Variants in PRKN observed in about 807,000 individuals in gnomAD.
PRKN encodes parkin RBR E3 ubiquitin protein ligase, also known as E3 ubiquitin-protein ligase parkin.
In PRKN, 56 loss-of-function variants were observed where a neutral mutation model predicts 59.5. The observed-to-expected ratio is 0.94, with a 90% CI of 0.76 to 1.18. PRKN has a LOEUF of 1.18. Among genes scored for constraint, PRKN ranks in the 50% most tolerant of loss-of-function variants. The probability of loss-of-function intolerance (pLI) is 0.00; values close to 1 mark genes in which losing one functional copy is unlikely to be tolerated. For synonymous variants in PRKN, 250 were observed against 222.1 expected, an observed-to-expected ratio of 1.13 and a Z score of -1.12; for missense variants, 657 against 596.4, an observed-to-expected ratio of 1.10 and a Z score of -1.06.
chr6:162,540,800 T>C (rs1365204847), intron 1 of PRKN, among the ~76,000 whole-genome samples: 2 of 117,552 alleles, frequency 1.7e-5, no homozygotes, highest in African/African-American at 6.3e-5. Context: ...AGAGTGAAAC[T>C]CTGGCTCAAA....
At chr6:161,841,198 G>C (rs914855794) in intron 6 of PRKN, among the ~76,000 whole-genome samples, 2 of 152,104 alleles carry the variant, frequency 1.3e-5, no homozygotes, top group African/African-American at 4.8e-5. Flanking sequence ...AAAAGAGAAG[G>C]CTCCATGAAA....
At chr6:162,118,137 C>T (rs945968951) in intron 4 of PRKN, among the ~76,000 whole-genome samples, 7 of 149,868 alleles carry the variant, frequency 4.7e-5, no homozygotes, top group African/African-American at 1.2e-4. Context: ...TTGGGCCGGG[C>T]GCAGTGGCTC....
chr6:162,178,966 G>A (rs1167393000), intron 4 of PRKN, among the ~76,000 whole-genome samples: 1 of 152,104 alleles, frequency 6.6e-6, no homozygotes, highest in African/African-American at 2.4e-5. Flanking sequence ...CAAACTCCTG[G>A]CCTCGAGCGA....
chr6:162,436,948 C>A (rs995032025), intron 2 of PRKN, among the ~76,000 whole-genome samples: 4 of 151,910 alleles, frequency 2.6e-5, no homozygotes, highest in Non-Finnish European at 5.9e-5. Context: ...AAAAATGAGC[C>A]AGGCGTGGTA....
At chr6:162,141,460 G>C (rs754113154) in intron 4 of PRKN, among the ~76,000 whole-genome samples, 6 of 152,174 alleles carry the variant, frequency 3.9e-5, no homozygotes, top group Non-Finnish European at 7.3e-5. Flanking sequence ...AATGTATTCA[G>C]AGACATTCTA....
intron 1 of PRKN, among the ~76,000 whole-genome samples, chr6:162,687,249 G>A (rs1424480818): frequency 6.8e-5 from 10 of 147,602 alleles, no homozygotes; most frequent in Non-Finnish European, 8.9e-5. Context: ...GCAGAGGCAC[G>A]ATCTCAGCTC....
chr6:162,149,469 C>A (rs1782170927), intron 4 of PRKN, among the ~76,000 whole-genome samples: 1 of 152,088 alleles, frequency 6.6e-6, no homozygotes, highest in Admixed American at 6.6e-5. Context: ...GTCTCAAATT[C>A]CTGACCTCAA....
At chr6:162,528,198 T>G (rs1778369178) in intron 1 of PRKN, among the ~76,000 whole-genome samples, 1 of 151,814 alleles carries the variant, frequency 6.6e-6, no homozygotes, top group Non-Finnish European at 1.5e-5. Flanking sequence ...GGTGGGTGCC[T>G]GTAATCCCAG....
At chr6:162,214,998 T>G (rs1026076421) in intron 3 of PRKN, among the ~76,000 whole-genome samples, 2 of 152,150 alleles carry the variant, frequency 1.3e-5, no homozygotes, top group African/African-American at 4.8e-5. Context: ...TAACAGCATC[T>G]AGGAATCCTT....
At chr6:162,168,556 C>CAAAAAAAAAAAAAAA (rs771060815) in intron 4 of PRKN, among the ~76,000 whole-genome samples, 1 of 47,316 alleles carries the variant, frequency 2.1e-5, no homozygotes, top group Non-Finnish European at 3.9e-5. Flanking sequence ...ATCTGTTTTA[C>CAAAAAAAAAAAAAAA]AAAAAAAAAA....
intron 5 of PRKN, among the ~76,000 whole-genome samples, chr6:162,041,672 T>G (rs1015970799): frequency 1.3e-5 from 2 of 152,172 alleles, no homozygotes; most frequent in Non-Finnish European, 2.9e-5. Context: ...TGCGGTGAAA[T>G]CAGACTAACC....
In PRKN at chr6:161,948,990, A is replaced by C. The variant is rs188053427; in HGVS notation, c.734+24312T>G. Among the ~76,000 whole-genome samples the C allele has an allele frequency of 2.0e-4, 30 of 152,318 alleles. No individual in the cohort carries two copies. The East Asian group carries it at 5.8e-3, about 29-fold the overall frequency. The stretch of plus-strand genomic sequence containing the variant: ...AGCTCTCTGATTTCTACGGGGAGGC[A>C]GAGAGGCTGGAGGGAAGTGGACCAG... On this transcript the variant is annotated intron_variant, in intron 6 of 11. Transcript: ENST00000366898.
chr6:161,874,442 A>G (rs186380876), intron 6 of PRKN, among the ~76,000 whole-genome samples: 9,990 of 35,940 alleles, frequency 0.28, 1,172 homozygotes, highest in Middle Eastern at 0.44. Context: ...AATATTATAT[A>G]TAAAATATAT....
intron 1 of PRKN, among the ~76,000 whole-genome samples, chr6:162,693,655 C>T (rs55959243): frequency 6.6e-6 from 1 of 152,180 alleles, no homozygotes; most frequent in African/African-American, 2.4e-5. Flanking sequence ...TTTCAAGAAA[C>T]TTGGGTTATG....
Position 161,679,741 on chromosome 6 carries a change from C to G in PRKN, c.871+106031G>C, listed in dbSNP as rs1337739960. 5.5e-4 allele frequency among the ~76,000 whole-genome samples: 13 copies of G among 23,494 alleles called. No individual in the cohort carries two copies. The South Asian group carries it at 0.024, about 44-fold the overall frequency. The allele number at this position is 23,494 out of a possible 152,430, so 15.4% of individuals were successfully genotyped here. A position where few individuals can be genotyped will look rare whatever the true frequency, so the allele number is the denominator to read the frequency against. On this transcript the variant is annotated intron_variant, in intron 7 of 11. Coordinates refer to ENST00000366898, the MANE Select transcript of PRKN (RefSeq NM_004562.3). The stretch of plus-strand genomic sequence containing the variant: ...AAAAATGTTTTCAGTTCAGAGCCAG[C>G]TTTTTTTTTTTTTTTTTTTTTTTTT...
chr6:162,704,964 T>TA (rs1249352692), intron 1 of PRKN, among the ~76,000 whole-genome samples: 1 of 152,234 alleles, frequency 6.6e-6, no homozygotes. Flanking sequence ...ATTTTAAAAA[T>TA]ATAAGAAGTG....
chr6:162,618,167 G>C (rs1056166214), intron 1 of PRKN, among the ~76,000 whole-genome samples: 5 of 148,948 alleles, frequency 3.4e-5, no homozygotes, highest in African/African-American at 1.3e-4. Flanking sequence ...TTTTAAAACT[G>C]TTTGGAGCAC....
Position 162,333,531 on chromosome 6 carries a change from G to C in PRKN, c.172-70766C>G, listed in dbSNP as rs200816926. ...ATCCACGATCACTGACATAAATATCGTCTAGTTTTGGGGCACCACCAACCA... is the reference window on the plus strand; with the variant it reads ...ATCCACGATCACTGACATAAATATCCTCTAGTTTTGGGGCACCACCAACCA... On this transcript the variant is annotated intron_variant, in intron 2 of 11. Coordinates refer to ENST00000366898, the MANE Select transcript of PRKN (RefSeq NM_004562.3). Among the ~76,000 whole-genome samples, 4 of 151,916 alleles carry C rather than the reference G, an allele frequency of 2.6e-5. No homozygotes were observed. In the East Asian group the frequency reaches 7.7e-4, roughly 29 times the overall value.
At chr6:161,822,454 T>A (rs1484329671) in intron 6 of PRKN, among the ~76,000 whole-genome samples, 2 of 152,186 alleles carry the variant, frequency 1.3e-5, no homozygotes, top group African/African-American at 2.4e-5. Context: ...GGCAGGCGGA[T>A]CACCTGATGT....
Sources: gnomAD v4.1 joint callset for allele counts (sites outside exome capture counted in the v4.1 genomes callset) on GRCh38, gnomAD v4.1.1 for gene constraint, MANE v1.5 for transcripts, NCBI Gene and HGNC (gene_info 2026-07-23, HGNC 2026-07-21) for gene names.